Variants in LCMT1 observed in about 807,000 individuals in gnomAD.
LCMT1 encodes the protein [Phosphatase 2A protein]-leucine-carboxy methyltransferase 1.
Under a neutral mutation model 47.7 loss-of-function variants are expected in LCMT1, and 32 were observed. The ratio of observed to expected loss-of-function variants is 0.67; its 90% CI spans 0.51 to 0.90. The LOEUF (loss-of-function observed/expected upper bound fraction) is 0.90, where lower values mean the gene tolerates loss of function less well. LCMT1 is among the 40% of genes least tolerant of loss of function. The pLI, the probability that LCMT1 is intolerant of heterozygous loss-of-function variation, is 0.00. For synonymous variants in LCMT1, 152 were observed against 149.7 expected, an observed-to-expected ratio of 1.02 and a Z score of -0.11; for missense variants, 375 against 415.2, an observed-to-expected ratio of 0.90 and a Z score of 0.84.
At chr16:25,168,075 G>A (rs992399841) in intron 7 of LCMT1, among the ~76,000 whole-genome samples, 1 of 150,010 alleles carries the variant, frequency 6.7e-6, no homozygotes, top group Non-Finnish European at 1.5e-5. Context: ...TTGAGACAGA[G>A]TCTCGCTCTG....
intron 1 of LCMT1, chr16:25,125,850 A>G (rs1020033675): frequency 1.6e-5 from 3 of 184,502 alleles, no homozygotes; most frequent in Non-Finnish European, 3.0e-5. Flanking sequence ...AATAATAATA[A>G]TAATAATAAT....
At chr16:25,169,301 A>G in intron 8 of LCMT1, 88 bp downstream of exon 8, 2 of 885,584 alleles carry the variant, frequency 2.3e-6, no homozygotes, top group South Asian at 2.8e-5. Flanking sequence ...GATCATGGAG[A>G]AGCCCTGTTC....
chr16:25,125,705 GC>G, intron 1 of LCMT1, among the ~76,000 whole-genome samples: 1 of 151,960 alleles, frequency 6.6e-6, no homozygotes, highest in East Asian at 1.9e-4. Flanking sequence ...GGTGGCGGGT[GC>G]CTGTAATCCC....
intron 6 of LCMT1, among the ~76,000 whole-genome samples, chr16:25,162,781 A>G (rs1176315084): frequency 4.6e-5 from 7 of 152,192 alleles, no homozygotes; most frequent in Non-Finnish European, 8.8e-5. Context: ...CCTAATCCCA[A>G]TACCTAGAGA....
chr16:25,175,471 A>G (rs981413662), intron 10 of LCMT1, among the ~76,000 whole-genome samples: 2 of 147,546 alleles, frequency 1.4e-5, no homozygotes, highest in African/African-American at 4.9e-5. Flanking sequence ...TAAAAATACA[A>G]AAAAAAAAAA....
chr16:25,177,080 T>A (rs1460126365), intron 10 of LCMT1, among the ~76,000 whole-genome samples: 1 of 151,478 alleles, frequency 6.6e-6, no homozygotes, highest in Admixed American at 6.6e-5. Context: ...CTTGGGAGGC[T>A]GAGGCAGGAG....
At chr16:25,137,626 T>C (rs749141996) in intron 3 of LCMT1, among the ~76,000 whole-genome samples, 1 of 151,282 alleles carries the variant, frequency 6.6e-6, no homozygotes, top group Admixed American at 6.6e-5. Context: ...GTATTTTTGG[T>C]AGAGATAGGG....
At chr16:25,140,435 AT>A (rs1960650882) in intron 4 of LCMT1, 188 bp downstream of exon 4, 2 of 585,192 alleles carry the variant, frequency 3.4e-6, no homozygotes, top group Non-Finnish European at 6.1e-6. Flanking sequence ...TGCAATATAC[AT>A]TTCCTTATTA....
At chr16:25,174,143 C>T (rs193172411) in intron 9 of LCMT1, among the ~76,000 whole-genome samples, 476 of 152,280 alleles carry the variant, frequency 3.1e-3, no homozygotes, top group African/African-American at 0.011. Context: ...AACTCCTGAC[C>T]TCAGGAGATC....
At chr16:25,127,762 A>T (rs1420199656) in intron 1 of LCMT1, among the ~76,000 whole-genome samples, 1 of 152,250 alleles carries the variant, frequency 6.6e-6, no homozygotes, top group Admixed American at 6.5e-5. Context: ...GCAGGCCCAC[A>T]GCAGCTGAGC....
intron 1 of LCMT1, among the ~76,000 whole-genome samples, chr16:25,113,268 G>C (rs1458005629): frequency 6.6e-6 from 1 of 152,186 alleles, no homozygotes; most frequent in African/African-American, 2.4e-5. Context: ...GAAGGAGGCT[G>C]AGGCCACGTA....
intron 8 of LCMT1, among the ~76,000 whole-genome samples, chr16:25,170,481 A>C (rs1450353227): frequency 1.3e-5 from 2 of 152,218 alleles, no homozygotes; most frequent in Admixed American, 1.3e-4. Context: ...AGAGCATTTC[A>C]GTACCAAGCA....
At chr16:25,149,327 A>G (rs1283814167) in intron 4 of LCMT1, among the ~76,000 whole-genome samples, 1 of 152,174 alleles carries the variant, frequency 6.6e-6, no homozygotes, top group African/African-American at 2.4e-5. Flanking sequence ...AGGGAAGCCA[A>G]AAGATTGGAC....
rs372024089 is a variant in LCMT1 at position 25,170,731 on chromosome 16, G to T, written c.810G>T (p.Ser270=). ...CATTTTAGAAAGAACGGCTCCTGTCGAATGGGTGGGAAACAGCATCGGCCG... is the reference window on the plus strand; with the variant it reads ...CATTTTAGAAAGAACGGCTCCTGTCTAATGGGTGGGAAACAGCATCGGCCG... ...SLESQKERLL[S]NGWETASAVD... Residue 270 remains serine (S), a synonymous_variant, in exon 9 of 11, where the codon TCG becomes TCT. Transcript: ENST00000399069. The T allele has an allele frequency of 9.3e-6, 15 of 1,613,102 alleles. No individual in the cohort carries two copies. The highest frequency in any genetic ancestry group is 3.4e-6 in the Non-Finnish European group (4 of 1,179,436).
chr16:25,115,026 T>C (rs1959742611), intron 1 of LCMT1, among the ~76,000 whole-genome samples: 1 of 152,180 alleles, frequency 6.6e-6, no homozygotes, highest in South Asian at 2.1e-4. Context: ...CTCACTTTCT[T>C]GAACACCTGG....
intron 2 of LCMT1, among the ~76,000 whole-genome samples, chr16:25,131,117 A>C (rs1960338564): frequency 6.6e-6 from 1 of 152,238 alleles, no homozygotes; most frequent in South Asian, 2.1e-4. Context: ...AAATTGACCA[A>C]ATGACTATAA....
chr16:25,169,066 T>G, intron 7 of LCMT1, 46 bp from the exon 8 acceptor site: 1 of 1,329,756 alleles, frequency 7.5e-7, no homozygotes. Context: ...TTTTGCATAT[T>G]TAGGAAACCC....
intron 10 of LCMT1, among the ~76,000 whole-genome samples, chr16:25,176,990 G>A (rs928057913): frequency 6.7e-6 from 1 of 150,114 alleles, no homozygotes; most frequent in Admixed American, 6.6e-5. Flanking sequence ...AACCAGCCTG[G>A]CCAACATGGT....
chr16:25,132,318 C>A, intron 2 of LCMT1, 84 bp from the exon 3 acceptor site: 1 of 1,528,548 alleles, frequency 6.5e-7, no homozygotes. Context: ...CTCTGTTTTG[C>A]TCTTCTCCTG....
Sources: gnomAD v4.1 joint callset for allele counts (sites outside exome capture counted in the v4.1 genomes callset) on GRCh38, gnomAD v4.1.1 for gene constraint, MANE v1.5 for transcripts, NCBI Gene and HGNC (gene_info 2026-07-23, HGNC 2026-07-21) for gene names.